Variants in TRAPPC9 observed in about 807,000 individuals in gnomAD.
TRAPPC9 encodes the protein trafficking protein particle complex subunit 9.
A neutral mutation model predicts 124.0 loss-of-function variants in TRAPPC9; 83 were observed. The observed-to-expected ratio is 0.67, with a 90% CI of 0.56 to 0.80. TRAPPC9 has a LOEUF of 0.80. Ranked by LOEUF, TRAPPC9 falls within the 30% of genes least tolerant of loss-of-function variation. The pLI, the probability that TRAPPC9 is intolerant of heterozygous loss-of-function variation, is 0.00. For missense variants in TRAPPC9, 1,302 were observed against 1,508.3 expected (o/e 0.86, Z 2.27); for synonymous variants, 638 against 617.5 (o/e 1.03, Z -0.49).
At chr8:139,836,639 G>A (rs1267515672) in intron 21 of TRAPPC9, among the ~76,000 whole-genome samples, 2 of 152,244 alleles carry the variant, frequency 1.3e-5, no homozygotes, top group African/African-American at 4.8e-5. Context: ...GAACTGAAGA[G>A]AGATGGGCGT....
intron 7 of TRAPPC9, among the ~76,000 whole-genome samples, chr8:140,385,637 T>C (rs1344682303): frequency 6.6e-6 from 1 of 152,182 alleles, no homozygotes; most frequent in Non-Finnish European, 1.5e-5. Context: ...AATCTCTGAA[T>C]AGACCAATAA....
chr8:140,076,922 T>A (rs111755916), intron 17 of TRAPPC9, among the ~76,000 whole-genome samples: 1 of 152,110 alleles, frequency 6.6e-6, no homozygotes, highest in Non-Finnish European at 1.5e-5. Context: ...TCCCAGCACT[T>A]TGGGAGGCTG....
At chr8:140,224,465 A>G (rs575382322) in intron 16 of TRAPPC9, among the ~76,000 whole-genome samples, 2 of 152,300 alleles carry the variant, frequency 1.3e-5, no homozygotes, top group East Asian at 3.9e-4. Context: ...GACATACTCA[A>G]AGGACTCGAT....
intron 17 of TRAPPC9, among the ~76,000 whole-genome samples, chr8:140,212,375 C>T (rs865837662): frequency 9.2e-5 from 14 of 152,202 alleles, no homozygotes; most frequent in African/African-American, 3.4e-4. Context: ...TTTCAGTTTG[C>T]CAATATGCAG....
chr8:140,044,240 G>A lies in TRAPPC9; in HGVS notation c.2557-20161C>T, dbSNP rs1043371736. Among the ~76,000 whole-genome samples the A allele has an allele frequency of 4.0e-5, 6 of 148,746 alleles. No individual in the cohort carries two copies. The South Asian group carries it at 1.3e-3, about 32-fold the overall frequency. ...TGGGTGCCCCCCTGTTCCAGACACT[G>A]TGCTGGTCCAGAAGCAACAGAACAA... On this transcript the variant is annotated intron_variant, in intron 17 of 22. Coordinates refer to ENST00000438773, the MANE Select transcript of TRAPPC9 (RefSeq NM_001160372.4).
At chr8:140,338,778 G>A (rs1314817812) in intron 9 of TRAPPC9, among the ~76,000 whole-genome samples, 1 of 118,590 alleles carries the variant, frequency 8.4e-6, no homozygotes, top group African/African-American at 3.5e-5. Flanking sequence ...GACAGGAAAC[G>A]GCTCAGAGAA....
chr8:140,374,832 T>C (rs1223246594), intron 7 of TRAPPC9, among the ~76,000 whole-genome samples: 1 of 152,156 alleles, frequency 6.6e-6, no homozygotes, highest in Non-Finnish European at 1.5e-5. Context: ...GAACTCCCAT[T>C]GATTCTTTCA....
At chr8:139,857,287 G>A (rs73726684) in intron 21 of TRAPPC9, among the ~76,000 whole-genome samples, 1,733 of 152,282 alleles carry the variant, frequency 0.011, 24 homozygotes, top group African/African-American at 0.039. Context: ...TGTATCTTGA[G>A]GATAAAGAGT....
intron 7 of TRAPPC9, among the ~76,000 whole-genome samples, chr8:140,396,604 C>G (rs924204038): frequency 6.6e-6 from 1 of 151,726 alleles, no homozygotes; most frequent in Non-Finnish European, 1.5e-5. Context: ...CTACCCCCAC[C>G]GCCATCTCTG....
At chr8:140,036,178 C>G (rs1840863366) in intron 17 of TRAPPC9, among the ~76,000 whole-genome samples, 1 of 151,680 alleles carries the variant, frequency 6.6e-6, no homozygotes, top group Non-Finnish European at 1.5e-5. Flanking sequence ...GGCTGGGAAG[C>G]CTTCGAAGAC....
At chr8:140,061,708 T>C (rs980444863) in intron 17 of TRAPPC9, among the ~76,000 whole-genome samples, 1 of 152,034 alleles carries the variant, frequency 6.6e-6, no homozygotes, top group Non-Finnish European at 1.5e-5. Flanking sequence ...AACAAAAATA[T>C]AAAACTGAAC....
At chr8:140,000,976 T>C (rs146015377) in intron 18 of TRAPPC9, among the ~76,000 whole-genome samples, 7,423 of 152,178 alleles carry the variant, frequency 0.049, 216 homozygotes, top group African/African-American at 0.079. Flanking sequence ...AGACTTGAAA[T>C]CAACCCAAAT....
chr8:140,178,942 G>C (rs2062135819), intron 17 of TRAPPC9, among the ~76,000 whole-genome samples: 1 of 151,952 alleles, frequency 6.6e-6, no homozygotes, highest in Admixed American at 6.5e-5. Flanking sequence ...ATGTCTGTAG[G>C]AAAGACTGAT....
At chr8:139,863,338 C>T (rs913295137) in intron 21 of TRAPPC9, among the ~76,000 whole-genome samples, 9 of 152,310 alleles carry the variant, frequency 5.9e-5, no homozygotes, top group African/African-American at 1.4e-4. Context: ...GAGACCTGCC[C>T]GCTGCCCAGC....
chr8:140,198,232 G>A (rs2062712145), intron 17 of TRAPPC9, among the ~76,000 whole-genome samples: 1 of 152,154 alleles, frequency 6.6e-6, no homozygotes, highest in Non-Finnish European at 1.5e-5. Flanking sequence ...AACAAAGACG[G>A]TAAACAGCCC....
intron 21 of TRAPPC9, among the ~76,000 whole-genome samples, chr8:139,818,542 C>G (rs749024759): frequency 4.6e-5 from 7 of 151,858 alleles, no homozygotes; most frequent in Non-Finnish European, 8.8e-5. Context: ...CGCCACTGCC[C>G]TCTAGTCTGG....
intron 17 of TRAPPC9, among the ~76,000 whole-genome samples, chr8:140,130,040 C>T (rs769013674): frequency 7.9e-5 from 12 of 152,298 alleles, no homozygotes; most frequent in Admixed American, 5.9e-4. Context: ...TGGAGCATCT[C>T]ACGCCAGAAA....
At chr8:139,989,460 C>A (rs1243410548) in intron 18 of TRAPPC9, among the ~76,000 whole-genome samples, 1 of 152,234 alleles carries the variant, frequency 6.6e-6, no homozygotes, top group African/African-American at 2.4e-5. Context: ...CTCAAGTTCC[C>A]ATTGTTCCTT....
At position 140,202,132 on chromosome 8, in the gene TRAPPC9, T is replaced by C. The variant is rs374308054; in HGVS notation, c.2556+19327A>G. On this transcript the variant is annotated intron_variant, in intron 17 of 22. Transcript: ENST00000438773. Reference sequence around the variant, plus strand: ...TGGAGATATCAACACATTACGGTTGTTTGGTGAGATAAAAGCTCATCTTCT... The same window carrying C: ...TGGAGATATCAACACATTACGGTTGCTTGGTGAGATAAAAGCTCATCTTCT... Among the ~76,000 whole-genome samples the C allele has an allele frequency of 5.9e-5, 9 of 151,616 alleles. No homozygotes were observed. The South Asian group carries it at 1.3e-3, about 21-fold the overall frequency.
Sources: gnomAD v4.1 joint callset for allele counts (sites outside exome capture counted in the v4.1 genomes callset) on GRCh38, gnomAD v4.1.1 for gene constraint, MANE v1.5 for transcripts, NCBI Gene and HGNC (gene_info 2026-07-23, HGNC 2026-07-21) for gene names.